The following MED29 variants were observed in gnomAD, a reference collection of about 807,000 sequenced individuals.
The protein encoded by MED29 is mediator of RNA polymerase II transcription subunit 29.
Under a neutral mutation model 22.0 loss-of-function variants are expected in MED29, and 14 were observed. The observed-to-expected ratio is 0.64, with a 90% CI of 0.42 to 0.99. The LOEUF (loss-of-function observed/expected upper bound fraction) is 0.99, where lower values mean the gene tolerates loss of function less well. MED29 is among the 50% of genes least tolerant of loss of function. MED29 has a pLI of 0.00. For missense variants in MED29, 241 were observed against 253.7 expected (o/e 0.95, Z 0.34); for synonymous variants, 123 against 107.8 (o/e 1.14, Z -0.87).
At chr19:39,393,844 C>T (rs573056904) in intron 3 of MED29, among the ~76,000 whole-genome samples, 1 of 152,330 alleles carries the variant, frequency 6.6e-6, no homozygotes, top group Non-Finnish European at 1.5e-5. Flanking sequence ...CACCCCTAAA[C>T]AGTGACAGCT....
Position 39,391,644 on chromosome 19 carries a change from T to G in MED29, c.216+6T>G, listed in dbSNP as rs199626460. The stretch of plus-strand genomic sequence containing the variant: ...AGCTGAAGGAGAGTCTACAGGTGAT[T>G]GGCCTTAAGCAGCGAGAAGCAAACT... On this transcript the variant is annotated splice_donor_region_variant and intron_variant, in intron 1 of 3. Coordinates refer to ENST00000315588, the MANE Select transcript of MED29 (RefSeq NM_017592.4). 1 of 1,579,366 alleles carries G rather than the reference T, an allele frequency of 6.3e-7. No individual in the cohort carries two copies. The highest frequency in any genetic ancestry group is 1.3e-5 in the African/African-American group (1 of 74,366).
rs1305879337 is a variant in MED29 at position 39,393,072 on chromosome 19, CTTTCTTTTCTTTTTTTTTTTTTT to C, written c.276-477_276-455del. On this transcript the variant is annotated intron_variant, in intron 2 of 3. Coordinates refer to ENST00000315588, the MANE Select transcript of MED29 (RefSeq NM_017592.4). ...GCCTTTTCCTTTTCTTTCTTTCTTT[CTTTCTTTTCTTTTTTTTTTTTTT>C]TTTTTTTTTTTTTTTTTTGAGACAG... Among the ~76,000 whole-genome samples the C allele has an allele frequency of 8.1e-4, 70 of 86,140 alleles. 2 individuals are homozygous for C. The highest frequency in any genetic ancestry group is 1.8e-3 in the African/African-American group (39 of 21,648). 56.5% of individuals were successfully genotyped at this position (86,140 alleles called of 152,430 possible).
chr19:39,397,687 G>T lies in MED29; in HGVS notation c.591G>T (p.Gly197=). The T allele has an allele frequency of 6.2e-7, 1 of 1,609,356 alleles. No individual in the cohort carries two copies. The highest frequency in any genetic ancestry group is 8.5e-7 in the Non-Finnish European group (1 of 1,179,630). Residue 197 remains glycine (G), a synonymous_variant, in exon 4 of 4, where the codon GGG becomes GGT. Transcript: ENST00000315588. ...GKTPAPPAGP[G]GTL is the part of the protein sequence containing the mutation. ...CACCCGCACCACCTGCTGGCCCTGG[G>T]GGCACTCTGTGAAGTGGGGGACAGG...
rs756281846 is a variant in MED29, at chr19:39,393,552, G to A, written c.276-1G>A. On this transcript the variant is annotated splice_acceptor_variant, in intron 2 of 3. Transcript: ENST00000315588. LOFTEE classifies it high-confidence loss of function. Reference sequence around the variant, plus strand: ...AGACATCCTTTTTTCCTTGTCTGTAGAAAGAGCAGTGATGGACCCATACAG... The same window carrying A: ...AGACATCCTTTTTTCCTTGTCTGTAAAAAGAGCAGTGATGGACCCATACAG... 1.2e-6 allele frequency: 2 copies of A among 1,613,626 alleles called. No individual in the cohort carries two copies. Among genetic ancestry groups the A allele is most frequent in the African/African-American group, 2.7e-5 (2 of 74,916 alleles).
At chr19:39,395,647 G>T (rs959022535) in intron 3 of MED29, among the ~76,000 whole-genome samples, 1 of 152,184 alleles carries the variant, frequency 6.6e-6, no homozygotes, top group Non-Finnish European at 1.5e-5. Flanking sequence ...CACTGGGCCC[G>T]GTGATTCATG....
rs2078457059 is a variant in MED29 at position 39,400,573 on chromosome 19, T to C, written c.*2874T>C. The stretch of plus-strand genomic sequence containing the variant: ...AAGTTTGAGAACTTAAGTTGGATTG[T>C]GGTTTCGTGAGCATTCATTATGGTT... On this transcript the variant is annotated 3_prime_UTR_variant, in exon 4 of 4. Coordinates refer to ENST00000315588, the MANE Select transcript of MED29 (RefSeq NM_017592.4). The C allele has an allele frequency of 6.6e-6, 1 of 152,216 alleles. No homozygotes were observed. Among genetic ancestry groups the C allele is most frequent in the Admixed American group, 6.5e-5 (1 of 15,272 alleles). The allele number at this position is 152,216 out of a possible 1,614,324, so 9.4% of individuals were successfully genotyped here. A position where few individuals can be genotyped will look rare whatever the true frequency, so the allele number is the denominator to read the frequency against.
intron 1 of MED29, 62 bp from the exon 2 acceptor site, chr19:39,392,402 C>T: frequency 2.1e-6 from 3 of 1,419,080 alleles, no homozygotes; most frequent in South Asian, 2.3e-5. Context: ...GAGTGTAGAT[C>T]TGCCAGAGGT....
chr19:39,395,588 A>G (rs2078423857), intron 3 of MED29, among the ~76,000 whole-genome samples: 1 of 152,094 alleles, frequency 6.6e-6, no homozygotes, highest in Admixed American at 6.6e-5. Context: ...GGAAGGAGAT[A>G]AAGTTTCTAG....
At chr19:39,392,398 A>T in intron 1 of MED29, 66 bp from the exon 2 acceptor site, 1 of 1,363,320 alleles carries the variant, frequency 7.3e-7, no homozygotes, top group Non-Finnish European at 1.0e-6. Context: ...GAAAGAGTGT[A>T]GATCTGCCAG....
At position 39,394,692 on chromosome 19, in the gene MED29, T is replaced by C. The variant is rs577844272; in HGVS notation, c.360+1055T>C. On this transcript the variant is annotated intron_variant, in intron 3 of 3. Coordinates refer to ENST00000315588, the MANE Select transcript of MED29 (RefSeq NM_017592.4). ...GATTCTCTTGCCTCAGCCTCCTGAGTAGCTGGGACTACAGGCACGCACCAC... is the reference window on the plus strand; with the variant it reads ...GATTCTCTTGCCTCAGCCTCCTGAGCAGCTGGGACTACAGGCACGCACCAC... Among the ~76,000 whole-genome samples, 43 of 149,534 alleles carry C rather than the reference T, an allele frequency of 2.9e-4. 1 individual carries two copies. In the South Asian group the frequency reaches 8.9e-3, roughly 31 times the overall value.
At chr19:39,392,890 G>A (rs141183454) in intron 2 of MED29, 3,584 of 205,996 alleles carry the variant, frequency 0.017, 51 homozygotes, top group Non-Finnish European at 0.023. Flanking sequence ...TCAGCCTCAC[G>A]AATCACTTCT....
In MED29 at chr19:39,397,690, C is replaced by T; in HGVS notation, c.594C>T (p.Gly198=). Residue 198 remains glycine, a synonymous_variant, in exon 4 of 4, where the codon GGC becomes GGT. Coordinates refer to ENST00000315588, the MANE Select transcript of MED29 (RefSeq NM_017592.4). The part of the protein sequence containing the change: ...KTPAPPAGPG[G]TL ...CCGCACCACCTGCTGGCCCTGGGGG[C>T]ACTCTGTGAAGTGGGGGACAGGGAG... 6.2e-7 allele frequency: 1 copy of T among 1,608,830 alleles called. No homozygotes were observed. The highest frequency in any genetic ancestry group is 8.5e-7 in the Non-Finnish European group (1 of 1,179,552).
At position 39,393,545 on chromosome 19, in the gene MED29, G is replaced by C. The variant is rs373761291; in HGVS notation, c.276-8G>C. On this transcript the variant is annotated splice_region_variant and splice_polypyrimidine_tract_variant and intron_variant, in intron 2 of 3. Coordinates refer to ENST00000315588, the MANE Select transcript of MED29 (RefSeq NM_017592.4). ...ATTCTTCAGACATCCTTTTTTCCTTGTCTGTAGAAAGAGCAGTGATGGACC... is the reference window on the plus strand; with the variant it reads ...ATTCTTCAGACATCCTTTTTTCCTTCTCTGTAGAAAGAGCAGTGATGGACC... The C allele has an allele frequency of 5.6e-6, 9 of 1,612,206 alleles. No individual in the cohort carries two copies. The highest frequency in any genetic ancestry group is 7.6e-6 in the Non-Finnish European group (9 of 1,178,990).
rs548488553 is a variant in MED29 at position 39,391,453 on chromosome 19, G to A, written c.31G>A (p.Ala11Thr). The A allele has an allele frequency of 1.9e-6, 3 of 1,613,354 alleles. No homozygotes were observed. In the South Asian group the frequency reaches 3.3e-5, roughly 18 times the overall value. MAASQQQASA[A>T]SSAAGVSGPS... ...TGCATCCCAGCAGCAAGCTTCAGCG[G>A]CTTCCTCAGCTGCTGGTGTATCGGG... Residue 11 changes from alanine (A) to threonine (T), a missense_variant, in exon 1 of 4, where the codon GCT (alanine) becomes ACT (threonine). By Grantham distance (58) the Ala-to-Thr change is moderately conservative. Transcript: ENST00000315588.
Position 39,397,667 on chromosome 19 carries a change from G to T in MED29, c.571G>T (p.Ala191Ser). ...CAACAAGGTCACGGGCAAGACACCC[G>T]CACCACCTGCTGGCCCTGGGGGCAC... is the stretch of plus-strand genomic sequence containing the variant. ...CANKVTGKTP[A>S]PPAGPGGTL Residue 191 changes from alanine to serine, a missense_variant, in exon 4 of 4, where the codon GCA (alanine) becomes TCA (serine). By Grantham distance (99) the Ala-to-Ser change is moderately conservative (BLOSUM62 1). Transcript: ENST00000315588. The T allele has an allele frequency of 6.2e-7, 1 of 1,611,546 alleles. No individual in the cohort carries two copies.
chr19:39,395,524 C>A (rs1291850804), intron 3 of MED29, among the ~76,000 whole-genome samples: 3 of 152,272 alleles, frequency 2.0e-5, no homozygotes, highest in South Asian at 4.1e-4. Context: ...ACTGGGGGAA[C>A]TTGAGAGGCT....
chr19:39,392,741 T>C lies in MED29; in HGVS notation c.275+219T>C. The C allele has an allele frequency of 3.8e-6, 2 of 526,322 alleles. 1 individual carries two copies. Among genetic ancestry groups the C allele is most frequent in the South Asian group, 5.6e-5 (2 of 35,794 alleles). 32.6% of individuals were successfully genotyped at this position (526,322 alleles called of 1,614,324 possible). A position where few individuals can be genotyped will look rare whatever the true frequency, so the allele number is the denominator to read the frequency against. ...ACCTGAGTTAGGAGATCCTCTTGCC[T>C]CAGCCTCCCAAGTAGCCAGGACTAC... On this transcript the variant is annotated intron_variant, in intron 2 of 3. Coordinates refer to ENST00000315588, the MANE Select transcript of MED29 (RefSeq NM_017592.4).
chr19:39,400,368 C>G lies in MED29; in HGVS notation c.*2669C>G, dbSNP rs1290053933. The G allele has an allele frequency of 6.6e-6, 1 of 151,884 alleles. No individual in the cohort carries two copies. Among genetic ancestry groups the G allele is most frequent in the South Asian group, 2.1e-4 (1 of 4,832 alleles). 9.4% of individuals were successfully genotyped at this position (151,884 alleles called of 1,614,324 possible). A position where few individuals can be genotyped will look rare whatever the true frequency, so the allele number is the denominator to read the frequency against. Reference sequence around the variant, plus strand: ...GCACTCCAGCTTGGTTCATGGAGACCCTGTTTTTTTAAAAAAAGAAGTGGA... The same window carrying G: ...GCACTCCAGCTTGGTTCATGGAGACGCTGTTTTTTTAAAAAAAGAAGTGGA... On this transcript the variant is annotated 3_prime_UTR_variant, in exon 4 of 4. Transcript: ENST00000315588.
chr19:39,393,478 A>T (rs761953880), intron 2 of MED29, 75 bp from the exon 3 acceptor site: 3 of 1,344,046 alleles, frequency 2.2e-6, no homozygotes, highest in Non-Finnish European at 3.2e-6. Context: ...CCTGATGGAC[A>T]CTTGGTTGGG....
Sources: gnomAD v4.1 joint callset for allele counts (sites outside exome capture counted in the v4.1 genomes callset) on GRCh38, gnomAD v4.1.1 for gene constraint, MANE v1.5 for transcripts, NCBI Gene and HGNC (gene_info 2026-07-23, HGNC 2026-07-21) for gene names.